Variants in FAM110B observed in about 807,000 individuals in gnomAD.
FAM110B encodes protein FAM110B.
Under a neutral mutation model 20.4 loss-of-function variants are expected in FAM110B, and 6 were observed. The ratio of observed to expected loss-of-function variants is 0.29; its 90% CI spans 0.16 to 0.58. The LOEUF is 0.58. Among genes scored for constraint, FAM110B ranks in the 20% least tolerant of loss-of-function variants. FAM110B has a pLI of 0.90. For missense variants in FAM110B, 434 were observed against 498.2 expected, an observed-to-expected ratio of 0.87 and a Z score of 1.23; for synonymous variants, 226 against 214.1, an observed-to-expected ratio of 1.06 and a Z score of -0.49.
At chr8:57,998,703 A>C (rs1307550473) in intron 1 of FAM110B, among the ~76,000 whole-genome samples, 1 of 152,242 alleles carries the variant, frequency 6.6e-6, no homozygotes, top group African/African-American at 2.4e-5. Flanking sequence ...GATGATTTGC[A>C]TGAAAGATTT....
At chr8:58,060,458 A>G (rs1001588583) in intron 2 of FAM110B, among the ~76,000 whole-genome samples, 2 of 152,182 alleles carry the variant, frequency 1.3e-5, no homozygotes, top group Admixed American at 6.5e-5. Context: ...ATAAATCAGA[A>G]AGGAAAATAG....
At chr8:58,065,642 G>C (rs1032759097) in intron 2 of FAM110B, among the ~76,000 whole-genome samples, 2 of 152,036 alleles carry the variant, frequency 1.3e-5, no homozygotes, top group African/African-American at 4.8e-5. Context: ...ATCATATCCA[G>C]TTACTATGCC....
At chr8:58,114,200 A>G (rs1053050456) in intron 3 of FAM110B, among the ~76,000 whole-genome samples, 6 of 152,192 alleles carry the variant, frequency 3.9e-5, no homozygotes, top group African/African-American at 1.2e-4. Context: ...AGATCTGTCC[A>G]TGACTTGTCT....
chr8:58,013,708 C>T (rs1804584864), intron 1 of FAM110B, among the ~76,000 whole-genome samples: 1 of 152,164 alleles, frequency 6.6e-6, no homozygotes, highest in African/African-American at 2.4e-5. Flanking sequence ...CATCCTCACC[C>T]ATAAACTACA....
At chr8:58,028,249 G>A (rs1367029533) in intron 1 of FAM110B, among the ~76,000 whole-genome samples, 2 of 152,052 alleles carry the variant, frequency 1.3e-5, no homozygotes, top group African/African-American at 2.4e-5. Flanking sequence ...GATTACAGGC[G>A]CCTGCCACCA....
intron 1 of FAM110B, among the ~76,000 whole-genome samples, chr8:57,996,937 TTGCC>T (rs1366610663): frequency 6.6e-6 from 1 of 152,232 alleles, no homozygotes; most frequent in African/African-American, 2.4e-5. Context: ...AACTACTTAT[TTGCC>T]ATGTGTTAGT....
chr8:58,047,759 T>G (rs1454395926), intron 2 of FAM110B, among the ~76,000 whole-genome samples: 2 of 152,112 alleles, frequency 1.3e-5, no homozygotes, highest in African/African-American at 4.8e-5. Flanking sequence ...ACTGATCTCT[T>G]GTAAAACTTG....
At chr8:58,081,587 T>TA (rs1282420442) in intron 3 of FAM110B, among the ~76,000 whole-genome samples, 14 of 152,164 alleles carry the variant, frequency 9.2e-5, no homozygotes, top group Non-Finnish European at 2.1e-4. Flanking sequence ...CTACTAAATT[T>TA]AAATTCCAAA....
chr8:58,025,553 A>G (rs1294759764), intron 1 of FAM110B, among the ~76,000 whole-genome samples: 1 of 152,166 alleles, frequency 6.6e-6, no homozygotes, highest in Non-Finnish European at 1.5e-5. Context: ...TAAAAATTAC[A>G]GGCATGAGGG....
chr8:58,103,655 C>T (rs543210835), intron 3 of FAM110B, among the ~76,000 whole-genome samples: 9 of 152,138 alleles, frequency 5.9e-5, no homozygotes, highest in African/African-American at 1.7e-4. Context: ...TTTACATTTC[C>T]GGCACATCCT....
At chr8:57,999,089 G>A (rs564218379) in intron 1 of FAM110B, among the ~76,000 whole-genome samples, 77 of 152,288 alleles carry the variant, frequency 5.1e-4, no homozygotes, top group African/African-American at 1.8e-3. Flanking sequence ...AGTAGGTGAA[G>A]CAAATTACTT....
intron 2 of FAM110B, among the ~76,000 whole-genome samples, chr8:58,041,050 C>T (rs989958971): frequency 1.3e-5 from 2 of 148,558 alleles, no homozygotes; most frequent in Admixed American, 6.9e-5. Context: ...AAGTGATTCT[C>T]CTGCCTCAGC....
intron 1 of FAM110B, among the ~76,000 whole-genome samples, chr8:58,009,974 T>G (rs1471032888): frequency 1.3e-5 from 2 of 152,196 alleles, no homozygotes; most frequent in Admixed American, 1.3e-4. Flanking sequence ...GAAGGCATTT[T>G]AGAGAGCATT....
At position 58,056,694 on chromosome 8, in the gene FAM110B, G is replaced by A. The variant is rs572520749; in HGVS notation, c.-413-18841G>A. On this transcript the variant is annotated intron_variant, in intron 2 of 3. Transcript: ENST00000519262. ...TGCATGCATTTCTGTGAAAATTTCA[G>A]CGTTTCTTTCTGGTAGGTTAAATTG... Among the ~76,000 whole-genome samples the A allele has an allele frequency of 2.6e-5, 4 of 152,300 alleles. No homozygotes were observed. In the South Asian group the frequency reaches 8.3e-4, roughly 32 times the overall value.
chr8:58,038,013 A>G (rs1213487725), intron 2 of FAM110B, among the ~76,000 whole-genome samples: 1 of 152,182 alleles, frequency 6.6e-6, no homozygotes, highest in East Asian at 1.9e-4. Context: ...TTTGAAATGC[A>G]AGATGTATTG....
chr8:58,088,388 A>G (rs115858237), intron 3 of FAM110B, among the ~76,000 whole-genome samples: 1 of 152,304 alleles, frequency 6.6e-6, no homozygotes, highest in African/African-American at 2.4e-5. Context: ...TCTAGTTTAA[A>G]ACTCCTGCAG....
Position 58,125,337 on chromosome 8 carries a change from GA to G in FAM110B, c.-324-20561del, listed in dbSNP as rs958457748. Among the ~76,000 whole-genome samples the G allele has an allele frequency of 4.7e-5, 7 of 150,384 alleles. No individual in the cohort carries two copies. In the South Asian group the frequency reaches 1.3e-3, roughly 27 times the overall value. Reference sequence around the variant, plus strand: ...CACTCCAGCCTGGGTGACAGAGAAAGAAAAAAAAAGAAAGTTATTGAGAAAC... The same window carrying G: ...CACTCCAGCCTGGGTGACAGAGAAAGAAAAAAAAGAAAGTTATTGAGAAAC... On this transcript the variant is annotated intron_variant, in intron 3 of 3. Transcript: ENST00000519262.
At chr8:58,108,376 G>A (rs187004625) in intron 3 of FAM110B, among the ~76,000 whole-genome samples, 1 of 152,296 alleles carries the variant, frequency 6.6e-6, no homozygotes, top group Non-Finnish European at 1.5e-5. Context: ...CATTGACGTG[G>A]GTGACACCTT....
chr8:58,106,039 G>A (rs1806904595), intron 3 of FAM110B, among the ~76,000 whole-genome samples: 4 of 152,270 alleles, frequency 2.6e-5, no homozygotes, highest in African/African-American at 4.8e-5. Flanking sequence ...GAACAAAAGT[G>A]TCTAGTGAAT....
Sources: gnomAD v4.1 joint callset for allele counts (sites outside exome capture counted in the v4.1 genomes callset) on GRCh38, gnomAD v4.1.1 for gene constraint, MANE v1.5 for transcripts, NCBI Gene and HGNC (gene_info 2026-07-23, HGNC 2026-07-21) for gene names.